The following MMP26 variants were observed in gnomAD, a reference collection of about 807,000 sequenced individuals.
MMP26 encodes the protein matrix metalloproteinase-26.
In MMP26, 33 loss-of-function variants were observed where a neutral mutation model predicts 31.0. The ratio of observed to expected loss-of-function variants is 1.06; its 90% CI spans 0.81 to 1.42. The LOEUF (loss-of-function observed/expected upper bound fraction) is 1.42. Among genes scored for constraint, MMP26 ranks in the 40% most tolerant of loss-of-function variants. The probability of loss-of-function intolerance (pLI) is 0.00; values close to 1 mark genes in which losing one functional copy is unlikely to be tolerated. For synonymous variants in MMP26, 122 were observed against 114.9 expected (o/e 1.06, Z -0.40); for missense variants, 347 against 316.1 (o/e 1.10, Z -0.74).
At chr11:4,786,493 CTTTT>C (rs66987352) in intron 2 of MMP26, among the ~76,000 whole-genome samples, 2,636 of 60,226 alleles carry the variant, frequency 0.044, 149 homozygotes, top group African/African-American at 0.17. Context: ...TCTGCTGATC[CTTTT>C]TTTTTTTTTT....
intron 1 of MMP26, among the ~76,000 whole-genome samples, chr11:4,754,935 A>G (rs1449511265): frequency 6.6e-6 from 1 of 151,980 alleles, no homozygotes; most frequent in East Asian, 1.9e-4. Flanking sequence ...CACAACCTGT[A>G]TATCCTATTT....
At chr11:4,977,197 A>G (rs1270919673) in intron 2 of MMP26, among the ~76,000 whole-genome samples, 1 of 152,194 alleles carries the variant, frequency 6.6e-6, no homozygotes, top group East Asian at 1.9e-4. Flanking sequence ...TTTGAAATAA[A>G]CATTGAGCTA....
At chr11:4,987,424 G>GT (rs1196283856) in intron 2 of MMP26, among the ~76,000 whole-genome samples, 1 of 149,314 alleles carries the variant, frequency 6.7e-6, no homozygotes, top group African/African-American at 2.5e-5. Context: ...TTTGTTTTTT[G>GT]TTTTTTGTTT....
At chr11:4,816,726 T>G (rs1018800663) in intron 2 of MMP26, among the ~76,000 whole-genome samples, 4 of 118,690 alleles carry the variant, frequency 3.4e-5, no homozygotes, top group African/African-American at 1.0e-4. Flanking sequence ...TTTTTTGAAA[T>G]AGAGTCTCGC....
At chr11:4,967,370 C>T (rs1846610648) in intron 2 of MMP26, among the ~76,000 whole-genome samples, 1 of 152,118 alleles carries the variant, frequency 6.6e-6, no homozygotes, top group Non-Finnish European at 1.5e-5. Flanking sequence ...ACTGCAAAGG[C>T]CTTATACGTT....
chr11:4,741,838 T>C (rs1431074240), intron 1 of MMP26, among the ~76,000 whole-genome samples: 1 of 151,894 alleles, frequency 6.6e-6, no homozygotes, highest in Non-Finnish European at 1.5e-5. Context: ...ATTACAATAA[T>C]GGGTGCATAA....
chr11:4,747,076 G>A (rs905885958), intron 1 of MMP26, among the ~76,000 whole-genome samples: 1 of 152,156 alleles, frequency 6.6e-6, no homozygotes, highest in African/African-American at 2.4e-5. Flanking sequence ...TTGCGGTAGG[G>A]TTCTTAGTAA....
At chr11:4,908,013 T>G in intron 2 of MMP26, 1 of 1,614,222 alleles carries the variant, frequency 6.2e-7, no homozygotes, top group Non-Finnish European at 8.5e-7. Context: ...CTGATTGTTT[T>G]GTCTTATGTG....
intron 2 of MMP26, among the ~76,000 whole-genome samples, chr11:4,817,936 G>A (rs1328556710): frequency 1.3e-5 from 2 of 152,150 alleles, no homozygotes; most frequent in African/African-American, 4.8e-5. Flanking sequence ...AGGTATGAGA[G>A]CATGAGAAAG....
chr11:4,966,172 C>T (rs1022648073), intron 2 of MMP26, among the ~76,000 whole-genome samples: 1 of 152,074 alleles, frequency 6.6e-6, no homozygotes, highest in African/African-American at 2.4e-5. Flanking sequence ...ATGGGGGTGA[C>T]TACTACAGTG....
chr11:4,802,261 C>T (rs1441201728), intron 2 of MMP26, among the ~76,000 whole-genome samples: 2 of 152,116 alleles, frequency 1.3e-5, no homozygotes, highest in African/African-American at 4.8e-5. Flanking sequence ...TTCTGTTTGT[C>T]AGTTTCTTTT....
intron 2 of MMP26, chr11:4,875,127 A>G (rs1850362296): frequency 6.6e-6 from 1 of 152,004 alleles, no homozygotes; most frequent in Non-Finnish European, 1.5e-5. Flanking sequence ...TAGTTGTAAA[A>G]CTCTTTGGAA....
chr11:4,936,362 C>T (rs909563608), intron 2 of MMP26, among the ~76,000 whole-genome samples: 9 of 151,826 alleles, frequency 5.9e-5, no homozygotes, highest in African/African-American at 1.5e-4. Flanking sequence ...AGTTTATTTG[C>T]GTAGAGGTGT....
At chr11:4,832,119 G>A (rs1849654546) in intron 2 of MMP26, 1 of 152,768 alleles carries the variant, frequency 6.5e-6, no homozygotes, top group African/African-American at 2.4e-5. Context: ...GGATAAGCTA[G>A]TGACCTATCT....
chr11:4,848,569 T>C (rs776619784), intron 2 of MMP26: 1 of 1,608,848 alleles, frequency 6.2e-7, no homozygotes, highest in South Asian at 1.1e-5. Flanking sequence ...TCCAAACCCA[T>C]GGCTGAAAGA....
chr11:4,916,908 A>T (rs979507538), intron 2 of MMP26, among the ~76,000 whole-genome samples: 2 of 152,190 alleles, frequency 1.3e-5, no homozygotes, highest in African/African-American at 2.4e-5. Flanking sequence ...CCCACTGAAC[A>T]CAGGGCAGTG....
intron 6 of MMP26, among the ~76,000 whole-genome samples, 188 bp from the exon 7 acceptor site, chr11:4,991,776 G>A (rs955403783): frequency 1.3e-5 from 2 of 151,824 alleles, no homozygotes; most frequent in African/African-American, 4.8e-5. Flanking sequence ...AAGTTTATCT[G>A]TCCAAATATC....
At chr11:4,705,474 T>C (rs1280917289) in intron 1 of MMP26, among the ~76,000 whole-genome samples, 1 of 152,164 alleles carries the variant, frequency 6.6e-6, no homozygotes, top group East Asian at 1.9e-4. Flanking sequence ...GGTGTTGTGA[T>C]AGTAATGAAT....
At chr11:4,856,954 G>A (rs1293586202) in intron 2 of MMP26, among the ~76,000 whole-genome samples, 2 of 151,852 alleles carry the variant, frequency 1.3e-5, no homozygotes, top group African/African-American at 4.8e-5. Flanking sequence ...AAACTGAACA[G>A]CCTGCTCCTG....
Sources: gnomAD v4.1 joint callset for allele counts (sites outside exome capture counted in the v4.1 genomes callset) on GRCh38, gnomAD v4.1.1 for gene constraint, MANE v1.5 for transcripts, NCBI Gene and HGNC (gene_info 2026-07-23, HGNC 2026-07-21) for gene names.